IRGQ: variants seen among roughly 807,000 people sequenced by gnomAD.
IRGQ encodes the protein immunity related GTPase Q.
A neutral mutation model predicts 10.5 loss-of-function variants in IRGQ; 5 were observed. The ratio of observed to expected loss-of-function variants is 0.48; its 90% CI spans 0.25 to 1.00. The LOEUF is 1.00. IRGQ is among the 50% of genes least tolerant of loss of function. The pLI, the probability that IRGQ is intolerant of heterozygous loss-of-function variation, is 0.16. For missense variants in IRGQ, 792 were observed against 877.7 expected, an observed-to-expected ratio of 0.90 and a Z score of 1.23; for synonymous variants, 418 against 426.0, an observed-to-expected ratio of 0.98 and a Z score of 0.23.
chr19:43,592,255 G>A lies in IRGQ; in HGVS notation c.1643C>T (p.Pro548Leu). 2 of 1,578,124 alleles carry A rather than the reference G, an allele frequency of 1.3e-6. No individual in the cohort carries two copies. Among genetic ancestry groups the A allele is most frequent in the Non-Finnish European group, 1.7e-6 (2 of 1,170,134 alleles). The part of the protein sequence containing the change: ...SGELAARAHF[P>L]GPVTRAEVEA... The stretch of plus-strand genomic sequence containing the variant: ...CACCTCGGCGCGCGTCACCGGGCCT[G>A]GGAAATGAGCGCGCGCTGCCAGCTC... Residue 548 changes from proline to leucine, a missense_variant, in exon 3 of 3, where the codon CCA becomes CTA. Physicochemically the swap from Pro to Leu is moderately conservative, Grantham distance 98 (BLOSUM62 -3). Coordinates refer to ENST00000422989, the MANE Select transcript of IRGQ (RefSeq NM_001007561.3).
At position 43,595,179 on chromosome 19, in the gene IRGQ, G is replaced by A. The variant is rs1177502050; in HGVS notation, c.160C>T (p.Pro54Ser). 6 of 1,610,772 alleles carry A rather than the reference G, an allele frequency of 3.7e-6. No homozygotes were observed. Among genetic ancestry groups the A allele is most frequent in the South Asian group, 2.2e-5 (2 of 90,878 alleles). Residue 54 changes from proline to serine, a missense_variant, in exon 2 of 3, where the codon CCA (proline) becomes TCA (serine). Pro to Ser is a moderately conservative substitution (Grantham distance 74, BLOSUM62 -1). Transcript: ENST00000422989. ...CTCAGCTCGCCCAGAAAAAGGCCTG[G>A]GCCCGCAGCTCTTAGGCTGGGAACC... ...SGVPSLRAAGPGLFLGELSCP... is the reference protein window; with the variant it reads ...SGVPSLRAAGSGLFLGELSCP...
At position 43,592,426 on chromosome 19, in the gene IRGQ, G is replaced by A. The variant is rs551058969; in HGVS notation, c.1472C>T (p.Ala491Val). 7.6e-6 allele frequency: 12 copies of A among 1,576,910 alleles called. No individual in the cohort carries two copies. The East Asian group carries it at 1.8e-4, about 24-fold the overall frequency. Reference sequence around the variant, plus strand: ...CCCTGGGAGTGGTGCCGCCGCCGCCGCCAGACTAGCCAGCAGAGCTGGCCT... The same window carrying A: ...CCCTGGGAGTGGTGCCGCCGCCGCCACCAGACTAGCCAGCAGAGCTGGCCT... ...AWRPALLASLAAAAAPLPGLG... is the reference protein window; with the variant it reads ...AWRPALLASLVAAAAPLPGLG... Residue 491 changes from alanine (A) to valine (V), a missense_variant, in exon 3 of 3, where the codon GCG becomes GTG. By Grantham distance (64) the Ala-to-Val change is moderately conservative. Coordinates refer to ENST00000422989, the MANE Select transcript of IRGQ (RefSeq NM_001007561.3).
rs1484661807 is a variant in IRGQ, at chr19:43,589,300, A to C, written c.*2726T>G. On this transcript the variant is annotated 3_prime_UTR_variant, in exon 3 of 3. Coordinates refer to ENST00000422989, the MANE Select transcript of IRGQ (RefSeq NM_001007561.3). ...TCTAAATTCCAATCCTAGTTCTGAC[A>C]CTGACCAATGAAATAAACATTTAGG... is the stretch of plus-strand genomic sequence containing the variant. The C allele has an allele frequency of 6.6e-6, 1 of 152,204 alleles. No individual in the cohort carries two copies. Among genetic ancestry groups the C allele is most frequent in the African/African-American group, 2.4e-5 (1 of 41,442 alleles). The allele number at this position is 152,204 out of a possible 1,614,324, so 9.4% of individuals were successfully genotyped here.
At chr19:43,594,535 C>A (rs1973103164) in intron 2 of IRGQ, among the ~76,000 whole-genome samples, 1 of 151,450 alleles carries the variant, frequency 6.6e-6, no homozygotes, top group Non-Finnish European at 1.5e-5. Flanking sequence ...AGAGTGAGAA[C>A]CTGTCTCAAA....
chr19:43,595,871 C>G (rs1295638376), intron 1 of IRGQ, 111 bp downstream of exon 1: 1 of 152,548 alleles, frequency 6.6e-6, no homozygotes, highest in Non-Finnish European at 1.5e-5. Flanking sequence ...GAGCAAGACC[C>G]TCTCTGAAAA....
chr19:43,595,386 C>A, intron 1 of IRGQ, 46 bp from the exon 2 acceptor site: 1 of 1,493,630 alleles, frequency 6.7e-7, no homozygotes. Context: ...GAGCACCTAG[C>A]CTTTTCCTTT....
At position 43,592,725 on chromosome 19, in the gene IRGQ, G is replaced by C. The variant is rs140503327; in HGVS notation, c.1173C>G (p.Ser391Arg). 6.2e-7 allele frequency: 1 copy of C among 1,610,962 alleles called. No individual in the cohort carries two copies. The highest frequency in any genetic ancestry group is 8.5e-7 in the Non-Finnish European group (1 of 1,179,924). Residue 391 changes from serine to arginine, a missense_variant, in exon 3 of 3, where the codon AGC becomes AGG. Transcript: ENST00000422989. ...TGCCGACAACCTGCTGCAAACCCTC[G>C]CTGCCAGCTTTCCCAGGACCTTCCC... ...GSGEGPGKAG[S>R]EGLQQVVGMK...
rs942941226 is a variant in IRGQ, at chr19:43,584,625, A to G, written c.*7401T>C. Reference sequence around the variant, plus strand: ...ACCACTCCAAAATTTAGTGGTTTAGAACAATCACCTATTTAGTTAATGATT... The same window carrying G: ...ACCACTCCAAAATTTAGTGGTTTAGGACAATCACCTATTTAGTTAATGATT... On this transcript the variant is annotated 3_prime_UTR_variant, in exon 3 of 3. Coordinates refer to ENST00000422989, the MANE Select transcript of IRGQ (RefSeq NM_001007561.3). 1 of 152,206 alleles carries G rather than the reference A, an allele frequency of 6.6e-6. No homozygotes were observed. Among genetic ancestry groups the G allele is most frequent in the Non-Finnish European group, 1.5e-5 (1 of 68,036 alleles). The allele number at this position is 152,206 out of a possible 1,614,324, so 9.4% of individuals were successfully genotyped here. A position where few individuals can be genotyped will look rare whatever the true frequency, so the allele number is the denominator to read the frequency against.
chr19:43,592,470 C>T lies in IRGQ; in HGVS notation c.1428G>A (p.Ala476=), dbSNP rs1045957754. Residue 476 remains alanine, a synonymous_variant, in exon 3 of 3, where the codon GCG becomes GCA. Coordinates refer to ENST00000422989, the MANE Select transcript of IRGQ (RefSeq NM_001007561.3). The stretch of plus-strand genomic sequence containing the variant: ...CTGGCCTCCACGCCCCGGCTCGCAA[C>T]GCCGCAGCCTTGGTTCGGGCAGCGC... The part of the protein sequence containing the change: ...SPSAARTKAA[A]LRAGAWRPAL... 1.2e-5 allele frequency: 19 copies of T among 1,589,016 alleles called. No individual in the cohort carries two copies. The highest frequency in any genetic ancestry group is 1.5e-5 in the Non-Finnish European group (18 of 1,175,598).
In IRGQ at chr19:43,591,860, A is replaced by AAG; in HGVS notation, c.*165_*166insCT. The AAG allele has an allele frequency of 1.4e-6, 1 of 692,018 alleles. No individual in the cohort carries two copies. Among genetic ancestry groups the AAG allele is most frequent in the Non-Finnish European group, 2.2e-6 (1 of 452,544 alleles). 42.9% of individuals were successfully genotyped at this position (692,018 alleles called of 1,614,324 possible). ...ACTTCGTCTCACAAAAAAAAGAAAA[A>AAG]AAAAAAAAAAAATCAGGATTCCTGT... On this transcript the variant is annotated 3_prime_UTR_variant, in exon 3 of 3. Transcript: ENST00000422989.
Position 43,594,812 on chromosome 19 carries a change from C to T in IRGQ, c.527G>A (p.Arg176Gln). Residue 176 changes from arginine (R) to glutamine (Q), a missense_variant, in exon 2 of 3, where the codon CGG becomes CAG. Transcript: ENST00000422989. ...CAGCCAGAAAGCCGGCACTCACCTCCGCAGCGCTTCTGCCTGGCTCTGCAG... is the reference window on the plus strand; with the variant it reads ...CAGCCAGAAAGCCGGCACTCACCTCTGCAGCGCTTCTGCCTGGCTCTGCAG... ...AALQSQAEAL[R>Q]RLLPPAQDGF... 1.2e-6 allele frequency: 2 copies of T among 1,602,056 alleles called. No homozygotes were observed. The highest frequency in any genetic ancestry group is 1.7e-6 in the Non-Finnish European group (2 of 1,173,630).
At position 43,595,203 on chromosome 19, in the gene IRGQ, C is replaced by T. The variant is rs749219051; in HGVS notation, c.136G>A (p.Val46Ile). Residue 46 changes from valine to isoleucine, a missense_variant, in exon 2 of 3, where the codon GTT becomes ATT. Coordinates refer to ENST00000422989, the MANE Select transcript of IRGQ (RefSeq NM_001007561.3). ...GGGCCCGCAGCTCTTAGGCTGGGAA[C>T]CCCGGAGTCCGGCCGTCCCTCGGGG... ...EAPEGRPDSGVPSLRAAGPGL... is the reference protein window; with the variant it reads ...EAPEGRPDSGIPSLRAAGPGL... 3 of 1,612,312 alleles carry T rather than the reference C, an allele frequency of 1.9e-6. No individual in the cohort carries two copies. Among genetic ancestry groups the T allele is most frequent in the South Asian group, 2.2e-5 (2 of 91,016 alleles).
Position 43,593,315 on chromosome 19 carries a change from C to G in IRGQ, c.583G>C (p.Glu195Gln). ...GTCTCAAAGGCCTCACGCACAGCCT[C>G]TAGCTCTGCTGCACCCAACACCTCG... ...GFEVLGAAELEAVREAFETGG... is the reference protein window; with the variant it reads ...GFEVLGAAELQAVREAFETGG... Residue 195 changes from glutamate to glutamine, a missense_variant, in exon 3 of 3, where the codon GAG becomes CAG. Transcript: ENST00000422989. The surrounding 1 kb of genome is among the most constrained non-coding windows in gnomAD (Gnocchi z 6.4). The G allele has an allele frequency of 6.4e-7, 1 of 1,559,302 alleles. No homozygotes were observed. Among genetic ancestry groups the G allele is most frequent in the Non-Finnish European group, 8.7e-7 (1 of 1,153,792 alleles).
Position 43,595,228 on chromosome 19 carries a change from G to A in IRGQ, c.111C>T (p.Ala37=). ...CCCCGGAGTCCGGCCGTCCCTCGGG[G>A]GCCTCGAGCGTCTCCACATCCTTGT... ...LCDKDVETLE[A]PEGRPDSGVP... is the part of the protein sequence containing the mutation. Residue 37 remains alanine, a synonymous_variant, in exon 2 of 3, where the codon GCC becomes GCT. Coordinates refer to ENST00000422989, the MANE Select transcript of IRGQ (RefSeq NM_001007561.3). 8 of 1,612,556 alleles carry A rather than the reference G, an allele frequency of 5.0e-6. No homozygotes were observed. The highest frequency in any genetic ancestry group is 5.9e-6 in the Non-Finnish European group (7 of 1,179,774).
In IRGQ at chr19:43,585,059, GT is replaced by G. The variant is rs1972978248; in HGVS notation, c.*6966del. 6.5e-6 allele frequency: 1 copy of G among 152,766 alleles called. No homozygotes were observed. The highest frequency in any genetic ancestry group is 2.4e-5 in the African/African-American group (1 of 41,384). The allele number at this position is 152,766 out of a possible 1,614,324, so 9.5% of individuals were successfully genotyped here. A position where few individuals can be genotyped will look rare whatever the true frequency, so the allele number is the denominator to read the frequency against. On this transcript the variant is annotated 3_prime_UTR_variant, in exon 3 of 3. Coordinates refer to ENST00000422989, the MANE Select transcript of IRGQ (RefSeq NM_001007561.3). ...TTTGTAGAGATGGGGGTCTTGCCAT[GT>G]TGCTCAGGCTAGTCTCGATCTCCTG...
At position 43,593,309 on chromosome 19, in the gene IRGQ, C is replaced by T. The variant is rs1371283816; in HGVS notation, c.589G>A (p.Val197Met). The change falls in exon 3 of 3, where the codon GTG (valine) becomes ATG (methionine). Residue 197 changes from valine to methionine, a missense_variant. Coordinates refer to ENST00000422989, the MANE Select transcript of IRGQ (RefSeq NM_001007561.3). This position sits in a 1 kb window ranked among gnomAD's most constrained non-coding sequence, Gnocchi z 6.4. The stretch of plus-strand genomic sequence containing the variant: ...CCGCCGGTCTCAAAGGCCTCACGCA[C>T]AGCCTCTAGCTCTGCTGCACCCAAC... ...EVLGAAELEAVREAFETGGLE... is the reference protein window; with the variant it reads ...EVLGAAELEAMREAFETGGLE... 7 of 1,572,562 alleles carry T rather than the reference C, an allele frequency of 4.5e-6. No homozygotes were observed. Among genetic ancestry groups the T allele is most frequent in the Non-Finnish European group, 5.2e-6 (6 of 1,159,534 alleles).
In IRGQ at chr19:43,593,258, G is replaced by C; in HGVS notation, c.640C>G (p.Arg214Gly). Residue 214 changes from arginine (R) to glycine (G), a missense_variant, in exon 3 of 3, where the codon CGC becomes GGC. Physicochemically the swap from Arg to Gly is moderately radical, Grantham distance 125. Coordinates refer to ENST00000422989, the MANE Select transcript of IRGQ (RefSeq NM_001007561.3). The surrounding 1 kb of genome is among the most constrained non-coding windows in gnomAD (Gnocchi z 6.4). ...GGLEAALSWV[R>G]SGLERLGSAR... is the part of the protein sequence containing the mutation. Reference sequence around the variant, plus strand: ...CTGCCCAGGCGCTCCAGGCCTGAGCGCACCCACGACAGCGCAGCCTCAAGG... The same window carrying C: ...CTGCCCAGGCGCTCCAGGCCTGAGCCCACCCACGACAGCGCAGCCTCAAGG... The C allele has an allele frequency of 1.3e-6, 2 of 1,598,964 alleles. No individual in the cohort carries two copies. Among genetic ancestry groups the C allele is most frequent in the Non-Finnish European group, 1.7e-6 (2 of 1,172,038 alleles).
rs1346004004 is a variant in IRGQ, at chr19:43,588,065, G to A, written c.*3961C>T. The A allele has an allele frequency of 6.6e-6, 1 of 152,200 alleles. No individual in the cohort carries two copies. Among genetic ancestry groups the A allele is most frequent in the African/African-American group, 2.4e-5 (1 of 41,462 alleles). 9.4% of individuals were successfully genotyped at this position (152,200 alleles called of 1,614,324 possible). On this transcript the variant is annotated 3_prime_UTR_variant, in exon 3 of 3. Transcript: ENST00000422989. ...TTACTCAGCACTTTGGGAGGCTGAG[G>A]TGGGCAGATAACTTGAGGCCATGAG...
chr19:43,594,778 T>C (rs772263292), intron 2 of IRGQ, 31 bp downstream of exon 2: 76 of 1,568,906 alleles, frequency 4.8e-5, no homozygotes, highest in Non-Finnish European at 6.4e-5. Context: ...GGGTCTCGAC[T>C]AACGGACCCA....
Sources: allele counts gnomAD v4.1 joint callset (sites outside exome capture counted in the v4.1 genomes callset), GRCh38; gene constraint gnomAD v4.1.1; non-coding constraint Gnocchi (gnomAD v3.1); transcripts MANE v1.5; gene names NCBI Gene and HGNC (gene_info 2026-07-23, HGNC 2026-07-21).